The following KCNJ3 variants were observed in gnomAD, a reference collection of about 807,000 sequenced individuals.
KCNJ3 encodes potassium inwardly rectifying channel subfamily J member 3.
Under a neutral mutation model 39.2 loss-of-function variants are expected in KCNJ3, and 4 were observed. The observed-to-expected ratio is 0.10, with a 90% CI of 0.05 to 0.23. The LOEUF (loss-of-function observed/expected upper bound fraction) is 0.23. KCNJ3 is among the 10% of genes least tolerant of loss of function. The pLI, the probability that KCNJ3 is intolerant of heterozygous loss-of-function variation, is 1.00. For synonymous variants in KCNJ3, 230 were observed against 237.4 expected, an observed-to-expected ratio of 0.97 and a Z score of 0.29; for missense variants, 276 against 634.9, an observed-to-expected ratio of 0.43 and a Z score of 6.08.
At chr2:154,845,517 A>AAATT (rs1358531509) in intron 2 of KCNJ3, among the ~76,000 whole-genome samples, 2 of 152,222 alleles carry the variant, frequency 1.3e-5, no homozygotes, top group Non-Finnish European at 2.9e-5. Context: ...TGAAAGCTAA[A>AAATT]AATTGTATCT....
chr2:154,847,540 A>C (rs1388366239), intron 2 of KCNJ3, among the ~76,000 whole-genome samples: 1 of 151,974 alleles, frequency 6.6e-6, no homozygotes, highest in Non-Finnish European at 1.5e-5. Context: ...AAATAATAGA[A>C]TAGATTTATG....
At chr2:154,788,377 G>A (rs1270442637) in intron 2 of KCNJ3, among the ~76,000 whole-genome samples, 2 of 152,156 alleles carry the variant, frequency 1.3e-5, no homozygotes, top group African/African-American at 4.8e-5. Flanking sequence ...AGCAGAGCCA[G>A]TGGTCCCAGT....
chr2:154,743,032 T>A (rs1397520976), intron 2 of KCNJ3, among the ~76,000 whole-genome samples: 1 of 151,864 alleles, frequency 6.6e-6, no homozygotes, highest in African/African-American at 2.4e-5. Context: ...TTCATTTTGA[T>A]TATTTTTTGT....
chr2:154,760,334 T>A (rs779045051), intron 2 of KCNJ3, among the ~76,000 whole-genome samples: 5 of 152,226 alleles, frequency 3.3e-5, no homozygotes, highest in Non-Finnish European at 7.3e-5. Context: ...TTTTCTGACG[T>A]AAACTTTTAT....
intron 2 of KCNJ3, among the ~76,000 whole-genome samples, chr2:154,754,363 TC>T (rs1315505160): frequency 6.6e-6 from 1 of 152,154 alleles, no homozygotes; most frequent in Non-Finnish European, 1.5e-5. Flanking sequence ...AACCTCTGCC[TC>T]CTGGGTTCAA....
At position 154,854,925 on chromosome 2, in the gene KCNJ3, C is replaced by T; in HGVS notation, c.1118C>T (p.Ala373Val). 6.2e-7 allele frequency: 1 copy of T among 1,613,932 alleles called. No homozygotes were observed. The highest frequency in any genetic ancestry group is 8.5e-7 in the Non-Finnish European group (1 of 1,179,916). Residue 373 changes from alanine (A) to valine (V), a missense_variant, in exon 3 of 3, where the codon GCA becomes GTA. Coordinates refer to ENST00000295101, the MANE Select transcript of KCNJ3 (RefSeq NM_002239.4). Reference protein sequence around the residue: ...EMLLMSSPLIAPAITNSKERH... With the variant: ...EMLLMSSPLIVPAITNSKERH... ...CTTCTCATGTCGTCCCCTTTAATAGCACCAGCCATAACTAACAGCAAAGAA... is the reference window on the plus strand; with the variant it reads ...CTTCTCATGTCGTCCCCTTTAATAGTACCAGCCATAACTAACAGCAAAGAA...
At chr2:154,726,766 A>G (rs757080885) in intron 2 of KCNJ3, among the ~76,000 whole-genome samples, 7 of 61,594 alleles carry the variant, frequency 1.1e-4, no homozygotes, top group Non-Finnish European at 2.7e-4. Context: ...ATATATATAC[A>G]CACACACACA....
intron 2 of KCNJ3, among the ~76,000 whole-genome samples, chr2:154,763,422 C>CT (rs11405108): frequency 0.3 from 45,095 of 148,036 alleles, 7,853 homozygotes; most frequent in South Asian, 0.5. Flanking sequence ...TCAGCTGCTT[C>CT]TTTTTTTTTT....
At chr2:154,706,168 A>C (rs1404789595) in intron 1 of KCNJ3, among the ~76,000 whole-genome samples, 1 of 152,086 alleles carries the variant, frequency 6.6e-6, no homozygotes, top group Non-Finnish European at 1.5e-5. Flanking sequence ...TTTGAAAATA[A>C]TTTCAATTAT....
chr2:154,736,671 A>C (rs147605118), intron 2 of KCNJ3, among the ~76,000 whole-genome samples: 13 of 152,240 alleles, frequency 8.5e-5, no homozygotes, highest in Non-Finnish European at 1.3e-4. Flanking sequence ...TATGAAAGAA[A>C]AACAAATCCA....
intron 2 of KCNJ3, among the ~76,000 whole-genome samples, chr2:154,763,863 G>A (rs1046892421): frequency 1.2e-4 from 18 of 152,292 alleles, no homozygotes; most frequent in South Asian, 1.0e-3. Flanking sequence ...AAAAGATTTA[G>A]CTTTGAATGT....
At chr2:154,838,570 T>C (rs1687512928) in intron 2 of KCNJ3, among the ~76,000 whole-genome samples, 1 of 152,100 alleles carries the variant, frequency 6.6e-6, no homozygotes, top group Admixed American at 6.6e-5. Flanking sequence ...GTGGTTATTG[T>C]TGTTAAAGAT....
chr2:154,759,577 A>C (rs1686002707), intron 2 of KCNJ3, among the ~76,000 whole-genome samples: 2 of 149,972 alleles, frequency 1.3e-5, no homozygotes. Context: ...CTATAGATAT[A>C]TATAGATAGA....
chr2:154,757,107 G>A lies in KCNJ3; in HGVS notation c.919+47288G>A, dbSNP rs539826031. Among the ~76,000 whole-genome samples the A allele has an allele frequency of 4.6e-5, 7 of 152,078 alleles. No individual in the cohort carries two copies. The South Asian group carries it at 1.5e-3, about 32-fold the overall frequency. ...ATATATATATTTTCCACAGCAACAT[G>A]GATTTTTCAAAGTGGAACAGGACAT... On this transcript the variant is annotated intron_variant, in intron 2 of 2. Coordinates refer to ENST00000295101, the MANE Select transcript of KCNJ3 (RefSeq NM_002239.4).
rs914741772 is a variant in KCNJ3, at chr2:154,855,427, A to G, written c.*114A>G. On this transcript the variant is annotated 3_prime_UTR_variant, in exon 3 of 3. Transcript: ENST00000295101. ...AGTATATTTTCCTCCCAGTTCTACA[A>G]GCATATTTGAGAACCCTTCCTTTCC... The G allele has an allele frequency of 6.8e-5, 50 of 736,348 alleles. No homozygotes were observed. The highest frequency in any genetic ancestry group is 3.6e-4 in the Middle Eastern group (1 of 2,808). 45.6% of individuals were successfully genotyped at this position (736,348 alleles called of 1,614,324 possible). A position where few individuals can be genotyped will look rare whatever the true frequency, so the allele number is the denominator to read the frequency against.
intron 2 of KCNJ3, among the ~76,000 whole-genome samples, chr2:154,822,259 T>C (rs1687197540): frequency 6.6e-6 from 1 of 152,210 alleles, no homozygotes. Flanking sequence ...TAAATTTTCT[T>C]AATATGTGGG....
intron 1 of KCNJ3, among the ~76,000 whole-genome samples, chr2:154,707,991 C>T (rs1353539593): frequency 6.6e-6 from 1 of 152,082 alleles, no homozygotes; most frequent in Non-Finnish European, 1.5e-5. Context: ...GGAGCTTTTT[C>T]ATGCTGTCTT....
chr2:154,759,282 G>T (rs552437207), intron 2 of KCNJ3, among the ~76,000 whole-genome samples: 2 of 151,476 alleles, frequency 1.3e-5, no homozygotes, highest in Admixed American at 6.6e-5. Context: ...TTGATCTTGT[G>T]TTTGGACTGA....
intron 2 of KCNJ3, among the ~76,000 whole-genome samples, chr2:154,779,605 A>G (rs1293506298): frequency 6.7e-6 from 1 of 150,204 alleles, no homozygotes; most frequent in Non-Finnish European, 1.5e-5. Flanking sequence ...GTGCAGTGGC[A>G]TGATCTCGGC....
Sources: allele counts gnomAD v4.1 joint callset (sites outside exome capture counted in the v4.1 genomes callset), GRCh38; gene constraint gnomAD v4.1.1; transcripts MANE v1.5; gene names NCBI Gene and HGNC (gene_info 2026-07-23, HGNC 2026-07-21).